POLR2F: variants seen among roughly 807,000 people sequenced by gnomAD.
POLR2F encodes RNA polymerase II, I and III subunit F, also known as DNA-directed RNA polymerases I, II, and III subunit RPABC2.
Under a neutral mutation model 22.7 loss-of-function variants are expected in POLR2F, and 12 were observed. The ratio of observed to expected loss-of-function variants is 0.53; its 90% CI spans 0.34 to 0.86. The LOEUF (loss-of-function observed/expected upper bound fraction) is 0.86, where lower values mean the gene tolerates loss of function less well. POLR2F is among the 40% of genes least tolerant of loss of function. The probability of loss-of-function intolerance (pLI) is 0.02; values close to 1 mark genes in which losing one functional copy is unlikely to be tolerated. For synonymous variants in POLR2F, 57 were observed against 66.0 expected (o/e 0.86, Z 0.66); for missense variants, 126 against 171.5 (o/e 0.73, Z 1.48).
chr22:37,993,857 C>T (rs1403095229), intron 1 of POLR2F, among the ~76,000 whole-genome samples: 4 of 152,070 alleles, frequency 2.6e-5, no homozygotes, highest in Admixed American at 6.5e-5. Flanking sequence ...GGCATGGTGG[C>T]GGGCGCCTGT....
chr22:37,973,292 C>G, downstream of POLR2F: 2 of 563,918 alleles, frequency 3.5e-6, no homozygotes, highest in Non-Finnish European at 3.2e-6. Context: ...CCAGCCTGTT[C>G]TCCTGGGGCT....
At chr22:38,005,623 A>T (rs2084814176) in intron 1 of POLR2F, among the ~76,000 whole-genome samples, 1 of 152,166 alleles carries the variant, frequency 6.6e-6, no homozygotes, top group Non-Finnish European at 1.5e-5. Context: ...TTGGTGATAG[A>T]TCGGGTGTGC....
chr22:37,959,323 C>T lies in POLR2F; in HGVS notation c.91-23C>T, dbSNP rs1423443661. On this transcript the variant is annotated intron_variant, in intron 2 of 4. Transcript: ENST00000442738. ...CCAAAAGTGCCACCTGAGTCTTTCC[C>T]TCTTTTTTGTCTTGGTGTCCAGGAA... 6 of 1,610,880 alleles carry T rather than the reference C, an allele frequency of 3.7e-6. No homozygotes were observed. In the Admixed American group the frequency reaches 8.5e-5, roughly 23 times the overall value.
chr22:37,953,734 T>C lies in POLR2F; in HGVS notation c.-54T>C. On this transcript the variant is annotated 5_prime_UTR_variant, in exon 1 of 5. Coordinates refer to ENST00000442738, the MANE Select transcript of POLR2F (RefSeq NM_021974.5). ...CCGCGCGAGTCGTAGTGTCGCTGTT[T>C]GCGGGTCTCCGCGCGGGACCGGGGC... 1.9e-6 allele frequency: 3 copies of C among 1,590,876 alleles called. No homozygotes were observed. Among genetic ancestry groups the C allele is most frequent in the Non-Finnish European group, 1.7e-6 (2 of 1,172,796 alleles).
At chr22:38,036,312 C>T (rs531084297) in intron 5 of POLR2F, among the ~76,000 whole-genome samples, 89 of 151,888 alleles carry the variant, frequency 5.9e-4, no homozygotes, top group Non-Finnish European at 1.2e-3. Flanking sequence ...GCTGATGTCA[C>T]GGCACCATGA....
chr22:37,991,236 C>T (rs1410448639), intron 1 of POLR2F, among the ~76,000 whole-genome samples: 1 of 152,216 alleles, frequency 6.6e-6, no homozygotes, highest in Admixed American at 6.5e-5. Flanking sequence ...CTCCCTCAGC[C>T]TCCTGAGTAG....
At chr22:37,957,779 A>G (rs1931459079) in intron 2 of POLR2F, among the ~76,000 whole-genome samples, 1 of 151,974 alleles carries the variant, frequency 6.6e-6, no homozygotes. Flanking sequence ...ACATTCCTGC[A>G]GGAATTGTGT....
At chr22:38,039,819 C>T (rs561445826) in intron 5 of POLR2F, among the ~76,000 whole-genome samples, 3 of 152,292 alleles carry the variant, frequency 2.0e-5, no homozygotes, top group East Asian at 1.9e-4. Flanking sequence ...CCCTGGCGGC[C>T]CTCAAGGAAG....
intron 5 of POLR2F, among the ~76,000 whole-genome samples, chr22:38,039,889 G>A (rs1304742789): frequency 6.6e-6 from 1 of 152,170 alleles, no homozygotes; most frequent in African/African-American, 2.4e-5. Context: ...ACCCAGGAGC[G>A]CCTAACCTGA....
chr22:37,983,858 C>T (rs1932488417), upstream of POLR2F: 3 of 1,255,204 alleles, frequency 2.4e-6, no homozygotes, highest in African/African-American at 3.3e-5. This position sits in a 1 kb window ranked among gnomAD's most constrained non-coding sequence, Gnocchi z 9.5. Flanking sequence ...CGCAAAGAGT[C>T]CAACGCCCAC....
chr22:37,991,802 G>A (rs1932733064), intron 1 of POLR2F, among the ~76,000 whole-genome samples: 1 of 152,166 alleles, frequency 6.6e-6, no homozygotes, highest in African/African-American at 2.4e-5. Context: ...ATATGGCACT[G>A]ACCCCCAGTT....
chr22:38,026,850 C>T (rs903797998), downstream of POLR2F, among the ~76,000 whole-genome samples: 10 of 151,742 alleles, frequency 6.6e-5, no homozygotes, highest in East Asian at 1.9e-4. Context: ...AGAGACAGCC[C>T]GGACTTTCCC....
At chr22:37,993,480 C>G (rs182930472) in intron 1 of POLR2F, among the ~76,000 whole-genome samples, 47 of 152,276 alleles carry the variant, frequency 3.1e-4, no homozygotes, top group African/African-American at 1.1e-3. Flanking sequence ...CTTGAAGGAT[C>G]CTCCTCGCCG....
downstream of POLR2F, chr22:37,969,438 C>A: frequency 4.3e-6 from 2 of 463,456 alleles, no homozygotes; most frequent in Non-Finnish European, 5.7e-6. Flanking sequence ...AACCTTTGGT[C>A]TAAGGGATGC....
downstream of POLR2F, among the ~76,000 whole-genome samples, chr22:38,028,588 A>G (rs1364417264): frequency 6.6e-6 from 1 of 151,822 alleles, no homozygotes; most frequent in Non-Finnish European, 1.5e-5. Context: ...GAATGTGTGT[A>G]TGTGTGTGCC....
rs1164695328 is a variant in POLR2F at position 38,016,039 on chromosome 22, C to CA, written c.121-9829dup. On this transcript the variant is annotated intron_variant, in intron 1 of 2. Coordinates refer to the POLR2F transcript ENST00000333418. This position sits in a 1 kb window ranked among gnomAD's most constrained non-coding sequence, Gnocchi z 4.4. Reference sequence around the variant, plus strand: ...ATGGTCTTCCCTACTCTCTAGCCCACACCAGCAGTGTCAGGCCCACTGCCC... The same window carrying CA: ...ATGGTCTTCCCTACTCTCTAGCCCACAACCAGCAGTGTCAGGCCCACTGCCC... Among the ~76,000 whole-genome samples, 6 of 152,292 alleles carry CA rather than the reference C, an allele frequency of 3.9e-5. No homozygotes were observed. The highest frequency in any genetic ancestry group is 8.8e-5 in the Non-Finnish European group (6 of 68,024).
chr22:38,003,948 G>A (rs1355637537), intron 1 of POLR2F, among the ~76,000 whole-genome samples: 1 of 152,126 alleles, frequency 6.6e-6, no homozygotes, highest in African/African-American at 2.4e-5. Flanking sequence ...GGAAGGGAGG[G>A]AGGTGCTGGA....
At chr22:37,954,878 A>G (rs1462670925) in intron 1 of POLR2F, among the ~76,000 whole-genome samples, 1 of 152,094 alleles carries the variant, frequency 6.6e-6, no homozygotes, top group Non-Finnish European at 1.5e-5. Context: ...CTTGGGGGAA[A>G]AGAGAAGCCG....
chr22:38,039,679 G>A (rs2085152802), intron 5 of POLR2F, among the ~76,000 whole-genome samples: 1 of 152,222 alleles, frequency 6.6e-6, no homozygotes, highest in Non-Finnish European at 1.5e-5. Flanking sequence ...CGCAAAGGAA[G>A]CAAAGGCACT....
Sources: allele counts gnomAD v4.1 joint callset (sites outside exome capture counted in the v4.1 genomes callset), GRCh38; gene constraint gnomAD v4.1.1; non-coding constraint Gnocchi (gnomAD v3.1); transcripts MANE v1.5; gene names NCBI Gene and HGNC (gene_info 2026-07-23, HGNC 2026-07-21).